CMIP: variants seen among roughly 807,000 people sequenced by gnomAD.
CMIP encodes the protein c-Maf inducing protein.
Under a neutral mutation model 97.3 loss-of-function variants are expected in CMIP, and 13 were observed. The ratio of observed to expected loss-of-function variants is 0.13; its 90% CI spans 0.09 to 0.21. CMIP has a LOEUF of 0.21. Ranked by LOEUF, CMIP falls within the 10% of genes least tolerant of loss-of-function variation. The pLI is 1.00. For missense variants in CMIP, 847 were observed against 1,024.9 expected, an observed-to-expected ratio of 0.83 and a Z score of 2.37; for synonymous variants, 538 against 436.3, an observed-to-expected ratio of 1.23 and a Z score of -2.91.
At chr16:81,520,219 G>A (rs1049695597) in intron 1 of CMIP, 22 of 152,170 alleles carry the variant, frequency 1.4e-4, no homozygotes, top group African/African-American at 5.3e-4. Flanking sequence ...TTGAACCCCA[G>A]GTCTGCCTCT....
At chr16:81,647,251 T>C (rs2092374066) in intron 3 of CMIP, among the ~76,000 whole-genome samples, 1 of 152,232 alleles carries the variant, frequency 6.6e-6, no homozygotes, top group Non-Finnish European at 1.5e-5. Context: ...AGGCTGGAAT[T>C]TGACTTTTAA....
chr16:81,684,971 C>T (rs1322605785), intron 10 of CMIP, among the ~76,000 whole-genome samples: 1 of 152,248 alleles, frequency 6.6e-6, no homozygotes, highest in Admixed American at 6.5e-5. Flanking sequence ...CCAGGGCAGT[C>T]CCGAGGCGGG....
intron 1 of CMIP, among the ~76,000 whole-genome samples, chr16:81,594,120 C>A (rs188397007): frequency 0.011 from 1,469 of 135,410 alleles, 33 homozygotes; most frequent in African/African-American, 0.039. Flanking sequence ...CCATTCTCCC[C>A]CCTCCTCCCT....
chr16:81,670,248 G>A lies in CMIP; in HGVS notation c.929+3G>A, dbSNP rs148149503. The stretch of plus-strand genomic sequence containing the variant: ...GTGGTGAAGAAGTTCATTCAGAGGT[G>A]GGTCTCCGGCGCGACGTCCCTCTGT... On this transcript the variant is annotated splice_donor_region_variant and intron_variant, in intron 8 of 20. Transcript: ENST00000537098. 12 of 1,606,854 alleles carry A rather than the reference G, an allele frequency of 7.5e-6. No homozygotes were observed. Among genetic ancestry groups the A allele is most frequent in the African/African-American group, 2.7e-5 (2 of 74,914 alleles).
At chr16:81,659,352 G>C (rs11860914) in intron 5 of CMIP, among the ~76,000 whole-genome samples, 3,418 of 152,068 alleles carry the variant, frequency 0.022, 112 homozygotes, top group African/African-American at 0.078. Context: ...GCTGAGGTTT[G>C]TTCTGGGTGT....
At chr16:81,531,467 C>T (rs763048079) in intron 1 of CMIP, among the ~76,000 whole-genome samples, 6 of 152,240 alleles carry the variant, frequency 3.9e-5, no homozygotes, top group Admixed American at 3.3e-4. Context: ...CTTGGGACAT[C>T]AATGCCCTCA....
At chr16:81,704,921 G>A (rs560144886) in intron 18 of CMIP, among the ~76,000 whole-genome samples, 23 of 151,996 alleles carry the variant, frequency 1.5e-4, no homozygotes, top group African/African-American at 3.4e-4. Flanking sequence ...GAGCTGAGAC[G>A]TGAGCCAGGC....
intron 1 of CMIP, among the ~76,000 whole-genome samples, chr16:81,529,801 C>G (rs1416551356): frequency 2.0e-5 from 3 of 152,330 alleles, no homozygotes; most frequent in Non-Finnish European, 4.4e-5. Flanking sequence ...GGAGAACGGG[C>G]AAGGATACTC....
intron 1 of CMIP, among the ~76,000 whole-genome samples, chr16:81,496,481 C>T (rs1428564736): frequency 3.9e-5 from 6 of 152,134 alleles, no homozygotes; most frequent in Non-Finnish European, 8.8e-5. Flanking sequence ...AGGACAAAGA[C>T]CAATTAAAAT....
At chr16:81,549,531 C>G (rs1015728674) in intron 1 of CMIP, among the ~76,000 whole-genome samples, 9 of 151,792 alleles carry the variant, frequency 5.9e-5, no homozygotes, top group Admixed American at 2.0e-4. Context: ...TGGCTGGGCT[C>G]TGTGTGTGTT....
intron 1 of CMIP, among the ~76,000 whole-genome samples, chr16:81,500,375 T>G (rs1378808556): frequency 3.4e-4 from 28 of 81,696 alleles, no homozygotes; most frequent in Admixed American, 1.6e-3. Flanking sequence ...TCCTCTCTCC[T>G]TTCCTCCCTT....
At chr16:81,577,657 CA>C (rs1247025371) in intron 1 of CMIP, among the ~76,000 whole-genome samples, 2 of 151,632 alleles carry the variant, frequency 1.3e-5, no homozygotes, top group African/African-American at 4.9e-5. Context: ...TCACCTTCAT[CA>C]CCACCATCAT....
intron 9 of CMIP, among the ~76,000 whole-genome samples, chr16:81,674,233 G>C (rs1299826710): frequency 6.6e-6 from 1 of 152,172 alleles, no homozygotes; most frequent in Non-Finnish European, 1.5e-5. Flanking sequence ...GGCATGTTCT[G>C]GAGCTGACAG....
At chr16:81,448,550 G>C (rs60193157) in intron 1 of CMIP, among the ~76,000 whole-genome samples, 1 of 152,034 alleles carries the variant, frequency 6.6e-6, no homozygotes, top group South Asian at 2.1e-4. Flanking sequence ...AGCCTCACCC[G>C]CCTGGCCTGC....
chr16:81,624,121 C>G (rs1488355455), intron 3 of CMIP, among the ~76,000 whole-genome samples: 1 of 113,952 alleles, frequency 8.8e-6, no homozygotes, highest in Non-Finnish European at 1.9e-5. Context: ...TTTTCTCTGT[C>G]TTTAACTGAA....
At chr16:81,595,893 T>C (rs185962495) in intron 1 of CMIP, among the ~76,000 whole-genome samples, 3 of 152,336 alleles carry the variant, frequency 2.0e-5, no homozygotes, top group Admixed American at 2.0e-4. Flanking sequence ...AACTCTTAGA[T>C]GTATATCTAG....
chr16:81,566,444 A>G (rs1019897906), intron 1 of CMIP, among the ~76,000 whole-genome samples: 3 of 152,074 alleles, frequency 2.0e-5, no homozygotes, highest in African/African-American at 7.2e-5. Flanking sequence ...CACCCATGCT[A>G]CACTGGGTGA....
At chr16:81,537,724 G>GAAAAGAAAAC (rs10667980) in intron 1 of CMIP, among the ~76,000 whole-genome samples, 3 of 151,572 alleles carry the variant, frequency 2.0e-5, no homozygotes, top group East Asian at 1.9e-4. Flanking sequence ...GAAAAGAAAA[G>GAAAAGAAAAC]AAATGCCCCA....
intron 4 of CMIP, among the ~76,000 whole-genome samples, chr16:81,657,320 G>A (rs1056579653): frequency 1.6e-4 from 25 of 152,142 alleles, no homozygotes; most frequent in African/African-American, 6.0e-4. Flanking sequence ...AATCATATAC[G>A]TGTTACTCCT....
Sources: gnomAD v4.1 joint callset for allele counts (sites outside exome capture counted in the v4.1 genomes callset) on GRCh38, gnomAD v4.1.1 for gene constraint, MANE v1.5 for transcripts, NCBI Gene and HGNC (gene_info 2026-07-23, HGNC 2026-07-21) for gene names.